Variants in TGM3 observed in about 807,000 individuals in gnomAD.
TGM3 encodes the protein transglutaminase 3, also known as protein-glutamine gamma-glutamyltransferase E.
Under a neutral mutation model 73.8 loss-of-function variants are expected in TGM3, and 52 were observed. The ratio of observed to expected loss-of-function variants is 0.70; its 90% CI spans 0.56 to 0.89. The LOEUF (loss-of-function observed/expected upper bound fraction) is 0.89. Among genes scored for constraint, TGM3 ranks in the 40% least tolerant of loss-of-function variants. The probability of loss-of-function intolerance (pLI) is 0.00; values close to 1 mark genes in which losing one functional copy is unlikely to be tolerated. For synonymous variants in TGM3, 372 were observed against 354.9 expected, an observed-to-expected ratio of 1.05 and a Z score of -0.54; for missense variants, 928 against 909.9, an observed-to-expected ratio of 1.02 and a Z score of -0.26.
chr20:2,303,811 A>T (rs2084164345), intron 1 of TGM3, among the ~76,000 whole-genome samples: 1 of 152,136 alleles, frequency 6.6e-6, no homozygotes, highest in Non-Finnish European at 1.5e-5. Context: ...AAAATCTGGG[A>T]AATTGCCCCA....
chr20:2,311,154 G>C, intron 4 of TGM3, 25 bp downstream of exon 4: 1 of 1,592,432 alleles, frequency 6.3e-7, no homozygotes, highest in South Asian at 1.1e-5. Context: ...AGGAAGCTAA[G>C]GGTAATGTCC....
intron 4 of TGM3, among the ~76,000 whole-genome samples, chr20:2,312,429 A>T (rs1600696414): frequency 8.1e-6 from 1 of 123,784 alleles, no homozygotes; most frequent in Admixed American, 8.8e-5. Flanking sequence ...AAAGGATGGG[A>T]GGCAGAGCTA....
In TGM3 at chr20:2,309,690, C is replaced by T. The variant is rs749279971; in HGVS notation, c.41C>T (p.Ala14Val). 6.2e-7 allele frequency: 1 copy of T among 1,614,150 alleles called. No homozygotes were observed. The highest frequency in any genetic ancestry group is 8.5e-7 in the Non-Finnish European group (1 of 1,180,012). Residue 14 changes from alanine (A) to valine (V), a missense_variant, in exon 2 of 13, where the codon GCC (alanine) becomes GTC (valine). Transcript: ENST00000381458. The part of the protein sequence containing the change: ...LGVQSINWQT[A>V]FNRQAHHTDK... ...GTCCAGAGTATCAACTGGCAGACGG[C>T]CTTCAACCGACAAGCGCATCACACA...
chr20:2,335,321 C>G, intron 11 of TGM3, 48 bp downstream of exon 11: 1 of 1,606,194 alleles, frequency 6.2e-7, no homozygotes, highest in Non-Finnish European at 8.5e-7. Flanking sequence ...CCCCAGCCAG[C>G]CCAGCTCCCA....
At chr20:2,319,561 C>T (rs559829892) in intron 7 of TGM3, among the ~76,000 whole-genome samples, 18 of 152,310 alleles carry the variant, frequency 1.2e-4, no homozygotes, top group African/African-American at 4.1e-4. Flanking sequence ...CTGCCCCCCA[C>T]ATCAGCTTAA....
At chr20:2,303,230 G>T (rs2122210152) in intron 1 of TGM3, among the ~76,000 whole-genome samples, 1 of 152,252 alleles carries the variant, frequency 6.6e-6, no homozygotes, top group Admixed American at 6.5e-5. Flanking sequence ...GAACCCGGAA[G>T]GCGGAGGTTG....
rs139074717 is a variant in TGM3 at position 2,340,377 on chromosome 20, G to A, written c.1935-57G>A. ...CAGGACAGGAGGTCACAGGAGGCCC[G>A]TCCAGCCCAAGGTCCGTGTGTCTCG... On this transcript the variant is annotated intron_variant, in intron 12 of 12. Coordinates refer to ENST00000381458, the MANE Select transcript of TGM3 (RefSeq NM_003245.4). The A allele has an allele frequency of 4.8e-5, 77 of 1,603,958 alleles. No individual in the cohort carries two copies. In the Middle Eastern group the frequency reaches 1.0e-3, roughly 21 times the overall value.
chr20:2,297,208 G>T (rs1443916804), intron 1 of TGM3, among the ~76,000 whole-genome samples: 1 of 152,204 alleles, frequency 6.6e-6, no homozygotes, highest in Non-Finnish European at 1.5e-5. Flanking sequence ...TGAATCCATC[G>T]CAGAGCCAGC....
intron 12 of TGM3, 24 bp downstream of exon 12, chr20:2,340,011 G>A (rs4097063): frequency 4.5e-5 from 70 of 1,569,150 alleles, no homozygotes; most frequent in East Asian, 3.5e-4. Context: ...CTAAGTGGCC[G>A]GTGCAGGAGG....
rs569820379 is a variant in TGM3, at chr20:2,340,668, G to A, written c.*87G>A. On this transcript the variant is annotated 3_prime_UTR_variant, in exon 13 of 13. Coordinates refer to ENST00000381458, the MANE Select transcript of TGM3 (RefSeq NM_003245.4). ...AATGAACCCCCCGCCCATGCTGTCC[G>A]GCCTGGGAAACCCTCTCCATCTCCC... is the stretch of plus-strand genomic sequence containing the variant. 6.7e-4 allele frequency: 1,048 copies of A among 1,555,224 alleles called. 5 individuals carry two copies. The African/African-American group carries it at 0.011, about 16-fold the overall frequency.
intron 7 of TGM3, among the ~76,000 whole-genome samples, chr20:2,320,669 G>A (rs542196112): frequency 4.6e-5 from 7 of 152,300 alleles, no homozygotes; most frequent in African/African-American, 1.7e-4. Context: ...GAGTCACGCA[G>A]TTCCGGAGTA....
rs200046805 is a variant in TGM3, at chr20:2,317,310, T to C, written c.848-40T>C. On this transcript the variant is annotated intron_variant, in intron 6 of 12. Coordinates refer to ENST00000381458, the MANE Select transcript of TGM3 (RefSeq NM_003245.4). ...GGCAGTGGGCTATGCCAAGGTACCA[T>C]CTCCACCACCTGAGTCCTCACGCCC... is the stretch of plus-strand genomic sequence containing the variant. 1,664 of 1,614,054 alleles carry C rather than the reference T, an allele frequency of 1.0e-3. 6 individuals carry two copies. Among genetic ancestry groups the C allele is most frequent in the Non-Finnish European group, 1.2e-3 (1,471 of 1,179,930 alleles).
rs912582426 is a variant in TGM3 at position 2,335,220 on chromosome 20, G to C, written c.1747G>C (p.Glu583Gln). The C allele has an allele frequency of 8.1e-6, 13 of 1,614,230 alleles. No individual in the cohort carries two copies. The highest frequency in any genetic ancestry group is 1.0e-5 in the Non-Finnish European group (12 of 1,180,028). ...TAVCKVPDES[E>Q]VVVERDIILD... is the part of the protein sequence containing the mutation. ...GGTGTGCAAGGTCCCAGATGAGTCT[G>C]AGGTGGTGGTGGAGCGGGACATCAT... The change falls in exon 11 of 13, where the codon GAG (glutamate) becomes CAG (glutamine). Residue 583 changes from glutamate (E) to glutamine (Q), a missense_variant. Coordinates refer to ENST00000381458, the MANE Select transcript of TGM3 (RefSeq NM_003245.4).
chr20:2,332,445 T>C lies in TGM3; in HGVS notation c.1642+135T>C, dbSNP rs1269425101. The C allele has an allele frequency of 1.0e-5, 9 of 882,268 alleles. No individual in the cohort carries two copies. The highest frequency in any genetic ancestry group is 5.4e-5 in the South Asian group (3 of 55,350). 54.7% of individuals were successfully genotyped at this position (882,268 alleles called of 1,614,324 possible). ...GCCAGCGGCCCCTGTGGTTAAGCCA[T>C]GTATTAATGCTTTGGAAGTTTCTGT... On this transcript the variant is annotated intron_variant, in intron 10 of 12. Coordinates refer to ENST00000381458, the MANE Select transcript of TGM3 (RefSeq NM_003245.4). This position sits in a 1 kb window ranked among gnomAD's most constrained non-coding sequence, Gnocchi z 4.4.
intron 1 of TGM3, among the ~76,000 whole-genome samples, chr20:2,305,329 AG>A: frequency 6.6e-6 from 1 of 152,204 alleles, no homozygotes; most frequent in Non-Finnish European, 1.5e-5. Context: ...TCATCTCATT[AG>A]CATACAAGAA....
chr20:2,326,617 G>A (rs2084289291), intron 8 of TGM3, among the ~76,000 whole-genome samples: 1 of 152,236 alleles, frequency 6.6e-6, no homozygotes, highest in Non-Finnish European at 1.5e-5. Context: ...GGGAGGCCAA[G>A]GAGGGTGGAT....
rs760403495 is a variant in TGM3, at chr20:2,340,471, C to T, written c.1972C>T (p.Arg658Cys). 2.1e-5 allele frequency: 34 copies of T among 1,613,946 alleles called. No homozygotes were observed. Among genetic ancestry groups the T allele is most frequent in the South Asian group, 6.6e-5 (6 of 91,078 alleles). The stretch of plus-strand genomic sequence containing the variant: ...AGGGCCCAAGGAGGGGTCCCGGGTC[C>T]GTTTTGATATCCTGCCCTCCCGGAG... ...TLGPKEGSRV[R>C]FDILPSRSGT... Residue 658 changes from arginine to cysteine, a missense_variant, in exon 13 of 13, where the codon CGT becomes TGT. Coordinates refer to ENST00000381458, the MANE Select transcript of TGM3 (RefSeq NM_003245.4).
chr20:2,314,540 C>G (rs1385224778), intron 5 of TGM3, among the ~76,000 whole-genome samples: 1 of 149,838 alleles, frequency 6.7e-6, no homozygotes, highest in Non-Finnish European at 1.5e-5. Context: ...TACACACACA[C>G]ACACACACAC....
chr20:2,333,717 C>T (rs775053175), intron 10 of TGM3, among the ~76,000 whole-genome samples: 12 of 150,914 alleles, frequency 8.0e-5, no homozygotes, highest in African/African-American at 4.9e-5. Flanking sequence ...TTTTGGAAAT[C>T]AAAAAAAATT....
Sources: gnomAD v4.1 joint callset for allele counts (sites outside exome capture counted in the v4.1 genomes callset) on GRCh38, gnomAD v4.1.1 for gene constraint, Gnocchi (gnomAD v3.1) non-coding constraint, MANE v1.5 for transcripts, NCBI Gene and HGNC (gene_info 2026-07-23, HGNC 2026-07-21) for gene names.